The following SLC7A8 variants were observed in gnomAD, a reference collection of about 807,000 sequenced individuals.
SLC7A8 encodes solute carrier family 7 member 8, also known as large neutral amino acids transporter small subunit 2.
Under a neutral mutation model 51.2 loss-of-function variants are expected in SLC7A8, and 30 were observed. That is an observed-to-expected ratio of 0.59 (90% CI 0.44 to 0.80). SLC7A8 has a LOEUF of 0.80. Ranked by LOEUF, SLC7A8 falls within the 30% of genes least tolerant of loss-of-function variation. The pLI is 0.00. For synonymous variants in SLC7A8, 257 were observed against 275.8 expected (o/e 0.93, Z 0.67); for missense variants, 612 against 674.4 (o/e 0.91, Z 1.03).
intron 3 of SLC7A8, among the ~76,000 whole-genome samples, chr14:23,164,977 G>A (rs193264659): frequency 2.7e-5 from 4 of 150,726 alleles, no homozygotes; most frequent in Admixed American, 6.6e-5. Flanking sequence ...GGGTGACAGA[G>A]TGAGACCCTG....
intron 1 of SLC7A8, among the ~76,000 whole-genome samples, chr14:23,172,637 G>C (rs78510472): frequency 0.048 from 7,346 of 152,288 alleles, 225 homozygotes; most frequent in Middle Eastern, 0.075. Flanking sequence ...GTCTTCCTTG[G>C]TGGTTTTCAA....
At chr14:23,164,399 C>A (rs1258959644) in intron 3 of SLC7A8, among the ~76,000 whole-genome samples, 1 of 152,250 alleles carries the variant, frequency 6.6e-6, no homozygotes, top group African/African-American at 2.4e-5. Context: ...GGAGCCCTTG[C>A]ACTCCACGTG....
At chr14:23,151,677 G>A (rs1264678829) in intron 3 of SLC7A8, among the ~76,000 whole-genome samples, 1 of 149,272 alleles carries the variant, frequency 6.7e-6, no homozygotes, top group East Asian at 2.0e-4. Flanking sequence ...AGGATCACTT[G>A]AGCCCAGGAA....
At chr14:23,144,988 A>G (rs1348553958) in intron 3 of SLC7A8, among the ~76,000 whole-genome samples, 1 of 145,482 alleles carries the variant, frequency 6.9e-6, no homozygotes, top group African/African-American at 2.6e-5. Flanking sequence ...GCTGGAGTGC[A>G]GTGGCGCGAT....
At chr14:23,132,894 C>T (rs2048652642) in intron 7 of SLC7A8, among the ~76,000 whole-genome samples, 1 of 151,964 alleles carries the variant, frequency 6.6e-6, no homozygotes, top group African/African-American at 2.4e-5. Flanking sequence ...CCTCGGCCTC[C>T]CAAAGTACTG....
At chr14:23,139,636 C>A in intron 5 of SLC7A8, 89 bp from the exon 6 acceptor site, 1 of 1,479,132 alleles carries the variant, frequency 6.8e-7, no homozygotes, top group Non-Finnish European at 9.1e-7. Context: ...TGTCTTTCTG[C>A]ATGCGTGTAG....
intron 7 of SLC7A8, among the ~76,000 whole-genome samples, chr14:23,136,454 C>A (rs537492984): frequency 6.6e-6 from 1 of 152,190 alleles, no homozygotes; most frequent in South Asian, 2.1e-4. Context: ...CCCAGCTAGC[C>A]GATAACGGAG....
intron 8 of SLC7A8, among the ~76,000 whole-genome samples, chr14:23,130,393 T>C (rs555762350): frequency 8.5e-5 from 13 of 152,236 alleles, no homozygotes; most frequent in Non-Finnish European, 1.6e-4. Context: ...TGACAGAGTC[T>C]ACTTTCCAAC....
rs375223021 is a variant in SLC7A8 at position 23,144,341 on chromosome 14, A to AATTTTTTTTTTTTTTTTTTTTTTTTT, written c.509-1138_509-1137insAAAAAAAAAAAAAAAAAAAAAAAAAT. Reference sequence around the variant, plus strand: ...ATTTGGTATTGTCAGTTTAAACACAATTTTTTTTTTTTTTTTTTTTTTGGC... The same window carrying AATTTTTTTTTTTTTTTTTTTTTTTTT: ...ATTTGGTATTGTCAGTTTAAACACAAATTTTTTTTTTTTTTTTTTTTTTTTTTTTTTTTTTTTTTTTTTTTTTTGGC... On this transcript the variant is annotated intron_variant, in intron 3 of 10. Transcript: ENST00000316902. Among the ~76,000 whole-genome samples, 4 of 114,356 alleles carry AATTTTTTTTTTTTTTTTTTTTTTTTT rather than the reference A, an allele frequency of 3.5e-5. 2 individuals are homozygous for AATTTTTTTTTTTTTTTTTTTTTTTTT. The highest frequency in any genetic ancestry group is 3.7e-5 in the Non-Finnish European group (2 of 53,798). The allele number at this position is 114,356 out of a possible 152,430, so 75.0% of individuals were successfully genotyped here.
At chr14:23,148,239 T>C (rs1418383434) in intron 3 of SLC7A8, among the ~76,000 whole-genome samples, 1 of 152,078 alleles carries the variant, frequency 6.6e-6, no homozygotes, top group African/African-American at 2.4e-5. Context: ...TAAGGATTTT[T>C]TTTTTGGAGA....
intron 7 of SLC7A8, among the ~76,000 whole-genome samples, chr14:23,131,849 T>C (rs2048637659): frequency 6.6e-6 from 1 of 152,166 alleles, no homozygotes; most frequent in Non-Finnish European, 1.5e-5. Flanking sequence ...CTCAGTGGGG[T>C]GTTCCCAATG....
At chr14:23,163,679 C>T (rs920589088) in intron 3 of SLC7A8, among the ~76,000 whole-genome samples, 1 of 152,122 alleles carries the variant, frequency 6.6e-6, no homozygotes, top group Non-Finnish European at 1.5e-5. Flanking sequence ...GATCACTGCC[C>T]TCAGCTAAGT....
intron 1 of SLC7A8, among the ~76,000 whole-genome samples, chr14:23,175,912 A>AG (rs1398632222): frequency 6.6e-6 from 1 of 152,220 alleles, no homozygotes; most frequent in Non-Finnish European, 1.5e-5. Flanking sequence ...CTGGGCATAT[A>AG]GCCTTTCCCT....
At chr14:23,166,880 A>C (rs183789817) in intron 1 of SLC7A8, among the ~76,000 whole-genome samples, 24 of 152,302 alleles carry the variant, frequency 1.6e-4, no homozygotes, top group African/African-American at 5.1e-4. Flanking sequence ...CATCGCAGTA[A>C]GTGATGGTGA....
intron 3 of SLC7A8, among the ~76,000 whole-genome samples, chr14:23,162,200 T>TACG (rs1044775884): frequency 1.3e-5 from 2 of 152,136 alleles, no homozygotes; most frequent in Non-Finnish European, 2.9e-5. Flanking sequence ...CTAATGCATG[T>TACG]ACGTGTGCAC....
intron 1 of SLC7A8, among the ~76,000 whole-genome samples, chr14:23,176,447 C>T (rs1269020238): frequency 6.6e-6 from 1 of 152,116 alleles, no homozygotes; most frequent in Non-Finnish European, 1.5e-5. Flanking sequence ...GTCTTGGTTA[C>T]CAATTAGAAA....
In SLC7A8 at chr14:23,137,984, A is replaced by G. The variant is rs766718689; in HGVS notation, c.953T>C (p.Met318Thr). 17 of 1,614,070 alleles carry G rather than the reference A, an allele frequency of 1.1e-5. No individual in the cohort carries two copies. The highest frequency in any genetic ancestry group is 1.7e-5 in the Admixed American group (1 of 60,004). ...TGTGGACAGGGCAACAGAAATGGGC[A>G]TGATCCAGGCCATGACTCCTAGGAG... is the stretch of plus-strand genomic sequence containing the variant. The part of the protein sequence containing the change: ...EKLLGVMAWI[M>T]PISVALSTFG... Residue 318 changes from methionine to threonine, a missense_variant, in exon 7 of 11, where the codon ATG (methionine) becomes ACG (threonine). By Grantham distance (81) the Met-to-Thr change is moderately conservative. Coordinates refer to ENST00000316902, the MANE Select transcript of SLC7A8 (RefSeq NM_012244.4).
At chr14:23,182,735 AG>A in intron 1 of SLC7A8, 28 bp downstream of exon 1, 1 of 1,525,432 alleles carries the variant, frequency 6.6e-7, no homozygotes, top group Non-Finnish European at 8.8e-7. Context: ...AGGGGAGAGG[AG>A]GGGTCCGCGG....
At chr14:23,133,809 G>A (rs1011860208) in intron 7 of SLC7A8, among the ~76,000 whole-genome samples, 4 of 151,744 alleles carry the variant, frequency 2.6e-5, no homozygotes, top group Non-Finnish European at 5.9e-5. Context: ...GGATGACAGA[G>A]TGAAACTCTG....
Sources: gnomAD v4.1 joint callset for allele counts (sites outside exome capture counted in the v4.1 genomes callset) on GRCh38, gnomAD v4.1.1 for gene constraint, MANE v1.5 for transcripts, NCBI Gene and HGNC (gene_info 2026-07-23, HGNC 2026-07-21) for gene names.